The following PCDH15 variants were observed in gnomAD, a reference collection of about 807,000 sequenced individuals.
The protein encoded by PCDH15 is protocadherin related 15.
PCDH15 carries 129 observed loss-of-function variants against 178.5 expected under a neutral mutation model. That is an observed-to-expected ratio of 0.72 (90% confidence interval 0.63 to 0.84). The LOEUF (loss-of-function observed/expected upper bound fraction) is 0.84. PCDH15 is among the 40% of genes least tolerant of loss of function. PCDH15 has a pLI of 0.00. For synonymous variants in PCDH15, 800 were observed against 732.0 expected, an observed-to-expected ratio of 1.09 and a Z score of -1.50; for missense variants, 2,230 against 2,099.9, an observed-to-expected ratio of 1.06 and a Z score of -1.21.
intron 2 of PCDH15, among the ~76,000 whole-genome samples, chr10:55,547,086 G>C (rs904485784): frequency 6.6e-6 from 1 of 152,178 alleles, no homozygotes; most frequent in Non-Finnish European, 1.5e-5. Context: ...GCTCAGGCAG[G>C]AATGGCCTGG....
chr10:55,118,795 T>C lies in PCDH15; in HGVS notation c.-80+47781A>G, dbSNP rs190501619. Reference sequence around the variant, plus strand: ...AGAATCTGTTGTGAACTTCACCTCTTCAGCACCTGTGAGAGGAGCTGGTTC... The same window carrying C: ...AGAATCTGTTGTGAACTTCACCTCTCCAGCACCTGTGAGAGGAGCTGGTTC... On this transcript the variant is annotated intron_variant, in intron 2 of 5. Transcript: ENST00000458638. 2.0e-3 allele frequency among the ~76,000 whole-genome samples: 312 copies of C among 152,346 alleles called. 1 individual carries two copies. The highest frequency in any genetic ancestry group is 7.4e-3 in the African/African-American group (306 of 41,578).
intron 2 of PCDH15, among the ~76,000 whole-genome samples, chr10:55,417,745 T>C (rs1013012142): frequency 2.7e-5 from 4 of 150,914 alleles, no homozygotes; most frequent in African/African-American, 9.7e-5. Context: ...CTTGAGGATA[T>C]ATTCCAGCAA....
chr10:54,044,059 C>G (rs1053593118), intron 18 of PCDH15, among the ~76,000 whole-genome samples: 1 of 152,022 alleles, frequency 6.6e-6, no homozygotes, highest in Non-Finnish European at 1.5e-5. Context: ...AAAAGAACAG[C>G]AGGATATGCC....
chr10:54,224,229 C>A (rs996629330), intron 9 of PCDH15, among the ~76,000 whole-genome samples: 1 of 152,112 alleles, frequency 6.6e-6, no homozygotes, highest in East Asian at 1.9e-4. Context: ...CTAATGAAAA[C>A]ACCCACAATT....
chr10:53,830,591 A>C (rs2076959339), intron 30 of PCDH15, among the ~76,000 whole-genome samples: 1 of 152,190 alleles, frequency 6.6e-6, no homozygotes, highest in Non-Finnish European at 1.5e-5. Flanking sequence ...AGTGTCAAAG[A>C]ATATATTACT....
intron 1 of PCDH15, among the ~76,000 whole-genome samples, chr10:54,752,505 ACAAAAAACAAACAAACAAACAAAC>A (rs1946444178): frequency 6.7e-5 from 6 of 89,794 alleles, no homozygotes; most frequent in East Asian, 4.4e-4. Flanking sequence ...AAAACAAAAA[ACAAAAAACAAACAAACAAACAAAC>A]AAAAAAAAAC....
At chr10:54,703,110 A>G (rs1291814619) in intron 1 of PCDH15, among the ~76,000 whole-genome samples, 2 of 152,128 alleles carry the variant, frequency 1.3e-5, no homozygotes, top group African/African-American at 2.4e-5. Flanking sequence ...CCACATCAAC[A>G]TAATTCACAA....
intron 3 of PCDH15, among the ~76,000 whole-genome samples, chr10:54,439,115 T>C (rs565801251): frequency 7.0e-6 from 1 of 143,344 alleles, no homozygotes; most frequent in Non-Finnish European, 1.5e-5. Context: ...ATGTATAAAT[T>C]ATATATAGAA....
intron 2 of PCDH15, among the ~76,000 whole-genome samples, chr10:54,540,610 A>G: frequency 6.6e-6 from 1 of 152,072 alleles, no homozygotes; most frequent in Non-Finnish European, 1.5e-5. Context: ...ATCTACTAAA[A>G]CTATTCCAAA....
chr10:53,915,993 A>G (rs2083495076), intron 25 of PCDH15, among the ~76,000 whole-genome samples: 1 of 152,218 alleles, frequency 6.6e-6, no homozygotes. Flanking sequence ...GAATCCACAT[A>G]TACTGAAGTC....
At chr10:53,824,094 G>A (rs1387642951) in intron 32 of PCDH15, among the ~76,000 whole-genome samples, 1 of 152,004 alleles carries the variant, frequency 6.6e-6, no homozygotes, top group African/African-American at 2.4e-5. Flanking sequence ...TTCTTAGACT[G>A]ATCTGGATCA....
At chr10:54,645,019 A>G (rs2094093831) in intron 2 of PCDH15, among the ~76,000 whole-genome samples, 1 of 152,196 alleles carries the variant, frequency 6.6e-6, no homozygotes, top group African/African-American at 2.4e-5. Flanking sequence ...CCTCCAGAAC[A>G]GTGAGAAATA....
At chr10:55,035,512 T>C (rs1178468714) in intron 2 of PCDH15, among the ~76,000 whole-genome samples, 3 of 152,200 alleles carry the variant, frequency 2.0e-5, no homozygotes, top group Non-Finnish European at 2.9e-5. Context: ...TTCCCTCCAA[T>C]ATGTTCATAA....
At chr10:55,337,988 T>C (rs764247074) in intron 2 of PCDH15, among the ~76,000 whole-genome samples, 3 of 151,994 alleles carry the variant, frequency 2.0e-5, no homozygotes, top group Non-Finnish European at 4.4e-5. Context: ...AATTAAAAAA[T>C]AGCAAAAGAT....
chr10:54,548,030 A>G (rs1324392969), intron 2 of PCDH15, among the ~76,000 whole-genome samples: 3 of 149,318 alleles, frequency 2.0e-5, no homozygotes, highest in Non-Finnish European at 4.4e-5. Context: ...CTACTTGGCA[A>G]CTTCTCATGT....
chr10:54,154,378 C>A (rs1364344939), intron 13 of PCDH15, among the ~76,000 whole-genome samples: 2 of 152,014 alleles, frequency 1.3e-5, no homozygotes, highest in African/African-American at 4.8e-5. Context: ...AGTAAATTAA[C>A]CTACCTGTAG....
At chr10:55,319,992 T>G (rs1294483344), upstream of PCDH15, among the ~76,000 whole-genome samples, 1 of 152,102 alleles carries the variant, frequency 6.6e-6, no homozygotes, top group Non-Finnish European at 1.5e-5. Flanking sequence ...TATCCCTGTC[T>G]GCTGGCCTCT....
At chr10:54,649,970 T>A (rs1186719966) in intron 2 of PCDH15, among the ~76,000 whole-genome samples, 1 of 152,162 alleles carries the variant, frequency 6.6e-6, no homozygotes, top group Non-Finnish European at 1.5e-5. Context: ...ATTTATTTCA[T>A]TAATCACAAA....
At chr10:55,136,222 G>A (rs1027386442) in intron 2 of PCDH15, among the ~76,000 whole-genome samples, 1 of 152,086 alleles carries the variant, frequency 6.6e-6, no homozygotes, top group African/African-American at 2.4e-5. Flanking sequence ...AAAACTCTAA[G>A]CCTACTGCTG....
Sources: allele counts gnomAD v4.1 joint callset (sites outside exome capture counted in the v4.1 genomes callset), GRCh38; gene constraint gnomAD v4.1.1; transcripts MANE v1.5; gene names NCBI Gene and HGNC (gene_info 2026-07-23, HGNC 2026-07-21).